Variants in COMMD10 observed in about 807,000 individuals in gnomAD.
The protein encoded by COMMD10 is COMM domain-containing protein 10.
A neutral mutation model predicts 28.9 loss-of-function variants in COMMD10; 33 were observed. The ratio of observed to expected loss-of-function variants is 1.14; its 90% confidence interval spans 0.87 to 1.53. The LOEUF (loss-of-function observed/expected upper bound fraction) is 1.53. COMMD10 is among the 40% of genes most tolerant of loss of function. The pLI is 0.00. For missense variants in COMMD10, 310 were observed against 233.4 expected (o/e 1.33, Z -2.14); for synonymous variants, 110 against 81.7 (o/e 1.35, Z -1.87).
chr5:116,179,205 A>T (rs997854815), intron 5 of COMMD10, among the ~76,000 whole-genome samples: 1 of 152,172 alleles, frequency 6.6e-6, no homozygotes, highest in African/African-American at 2.4e-5. Context: ...TTCAATACAC[A>T]TAAAACCTTT....
chr5:116,248,462 G>T (rs1896684), intron 5 of COMMD10, among the ~76,000 whole-genome samples: 22,255 of 151,984 alleles, frequency 0.15, 2,055 homozygotes, highest in African/African-American at 0.26. Context: ...GGTAAAGGAA[G>T]ATAGGAGAGA....
At chr5:116,289,263 G>A (rs765060908) in intron 5 of COMMD10, among the ~76,000 whole-genome samples, 2 of 151,740 alleles carry the variant, frequency 1.3e-5, no homozygotes, top group Admixed American at 1.3e-4. Context: ...TTTCTTCAGG[G>A]TAAGTGTCCC....
chr5:116,099,831 A>C (rs1348519213), intron 4 of COMMD10, among the ~76,000 whole-genome samples: 1 of 151,984 alleles, frequency 6.6e-6, no homozygotes, highest in Non-Finnish European at 1.5e-5. Flanking sequence ...TGAGTTCCTT[A>C]TGTATTTTGT....
intron 5 of COMMD10, among the ~76,000 whole-genome samples, chr5:116,221,893 G>A (rs987983958): frequency 1.4e-4 from 21 of 152,122 alleles, no homozygotes; most frequent in Non-Finnish European, 1.9e-4. Flanking sequence ...AGATAGGAAG[G>A]GAGGGAGGTA....
At chr5:116,144,132 AT>A (rs1349318046) in intron 5 of COMMD10, among the ~76,000 whole-genome samples, 1 of 151,850 alleles carries the variant, frequency 6.6e-6, no homozygotes, top group Non-Finnish European at 1.5e-5. Flanking sequence ...TAAACTAGAA[AT>A]TGAGGTTTGG....
chr5:116,201,056 A>T (rs1272790348), intron 5 of COMMD10, among the ~76,000 whole-genome samples: 2 of 152,070 alleles, frequency 1.3e-5, no homozygotes, highest in African/African-American at 4.8e-5. Flanking sequence ...ATCCTTCTCC[A>T]GTTGGACAGA....
At chr5:116,094,053 C>T (rs1200047307) in intron 4 of COMMD10, among the ~76,000 whole-genome samples, 3 of 152,032 alleles carry the variant, frequency 2.0e-5, no homozygotes, top group Non-Finnish European at 4.4e-5. Flanking sequence ...ACATAAGACC[C>T]ACAACTGTTA....
chr5:116,118,718 AT>A (rs1751324650), intron 4 of COMMD10, among the ~76,000 whole-genome samples: 1 of 149,786 alleles, frequency 6.7e-6, no homozygotes, highest in South Asian at 2.2e-4. Context: ...TATAGAAAGA[AT>A]TGCTTTAGGT....
intron 5 of COMMD10, among the ~76,000 whole-genome samples, chr5:116,284,252 A>T (rs746184256): frequency 2.2e-4 from 33 of 151,950 alleles, no homozygotes; most frequent in Admixed American, 5.2e-4. Context: ...AAGAATGGAG[A>T]TGTAATGTCA....
Position 116,267,115 on chromosome 5 carries a change from A to G in COMMD10, c.511-24402A>G, listed in dbSNP as rs867792325. The stretch of plus-strand genomic sequence containing the variant: ...TGGCCAGGGCAATCAGACAGGAGAA[A>G]GAAATAAAGGGTAGTCAATTAGGAA... On this transcript the variant is annotated intron_variant, in intron 5 of 6. Transcript: ENST00000274458. Among the ~76,000 whole-genome samples the G allele has an allele frequency of 2.3e-4, 35 of 151,910 alleles. 1 individual carries two copies. The highest frequency in any genetic ancestry group is 8.0e-4 in the African/African-American group (33 of 41,258).
chr5:116,226,331 A>G (rs1201530559), intron 5 of COMMD10, among the ~76,000 whole-genome samples: 3 of 152,072 alleles, frequency 2.0e-5, no homozygotes, highest in African/African-American at 7.2e-5. Flanking sequence ...CTAAACATTC[A>G]ATGAAATTCA....
At position 116,282,200 on chromosome 5, in the gene COMMD10, T is replaced by C. The variant is rs146285834; in HGVS notation, c.511-9317T>C. On this transcript the variant is annotated intron_variant, in intron 5 of 6. Transcript: ENST00000274458. ...CCTGAGAGTCATTTTTGACTCGTTT[T>C]ATTTTTTCACTACCCTTCATCCCAA... 2.0e-3 allele frequency among the ~76,000 whole-genome samples: 308 copies of C among 151,992 alleles called. 6 individuals carry two copies. The highest frequency in any genetic ancestry group is 7.1e-3 in the African/African-American group (293 of 41,300).
intron 5 of COMMD10, among the ~76,000 whole-genome samples, chr5:116,285,450 C>T (rs1161540264): frequency 6.6e-6 from 1 of 151,852 alleles, no homozygotes; most frequent in Non-Finnish European, 1.5e-5. Flanking sequence ...TGGGCCACCC[C>T]TTGGAAGACT....
At chr5:116,191,525 C>T (rs1236079661) in intron 5 of COMMD10, among the ~76,000 whole-genome samples, 4 of 151,792 alleles carry the variant, frequency 2.6e-5, no homozygotes, top group Admixed American at 1.3e-4. Context: ...CAGCTTTCCC[C>T]CACTTCCCTG....
chr5:116,175,764 G>A (rs912924809), intron 5 of COMMD10, among the ~76,000 whole-genome samples: 23 of 152,100 alleles, frequency 1.5e-4, no homozygotes, highest in Admixed American at 1.5e-3. Flanking sequence ...AGTAAAATAA[G>A]CCAGTCACAA....
intron 5 of COMMD10, among the ~76,000 whole-genome samples, chr5:116,161,747 G>A (rs1213911000): frequency 2.6e-5 from 4 of 152,136 alleles, no homozygotes; most frequent in Non-Finnish European, 5.9e-5. Flanking sequence ...TTGAATAGGA[G>A]GAAGAAGAGA....
At position 116,097,799 on chromosome 5, in the gene COMMD10, C is replaced by G. The variant is rs140457985; in HGVS notation, c.399+5099C>G. Among the ~76,000 whole-genome samples, 587 of 151,956 alleles carry G rather than the reference C, an allele frequency of 3.9e-3. 1 individual carries two copies. The highest frequency in any genetic ancestry group is 9.7e-3 in the East Asian group (50 of 5,146). Reference sequence around the variant, plus strand: ...GAGCAGGTGTCTTTCATGGCAGGAGCAGGAACAAGAGAGAGAGGGAGGAGG... The same window carrying G: ...GAGCAGGTGTCTTTCATGGCAGGAGGAGGAACAAGAGAGAGAGGGAGGAGG... On this transcript the variant is annotated intron_variant, in intron 4 of 6. Coordinates refer to ENST00000274458, the MANE Select transcript of COMMD10 (RefSeq NM_016144.4).
intron 5 of COMMD10, among the ~76,000 whole-genome samples, chr5:116,186,112 A>G (rs184524627): frequency 1.2e-4 from 19 of 152,278 alleles, no homozygotes; most frequent in Admixed American, 4.6e-4. Context: ...TTTACTGTCA[A>G]CGTTTAAACA....
intron 5 of COMMD10, among the ~76,000 whole-genome samples, chr5:116,134,409 G>T (rs559277903): frequency 5.2e-4 from 79 of 152,168 alleles, no homozygotes; most frequent in African/African-American, 1.6e-3. Flanking sequence ...AATTGTTGAA[G>T]ACCATATAAA....
Sources: gnomAD v4.1 joint callset for allele counts (sites outside exome capture counted in the v4.1 genomes callset) on GRCh38, gnomAD v4.1.1 for gene constraint, MANE v1.5 for transcripts, NCBI Gene and HGNC (gene_info 2026-07-23, HGNC 2026-07-21) for gene names.